Variants in MED26 observed in about 807,000 individuals in gnomAD.
MED26 encodes mediator complex subunit 26.
In MED26, 7 loss-of-function variants were observed where a neutral mutation model predicts 43.7. The observed-to-expected ratio is 0.16, with a 90% confidence interval of 0.09 to 0.30. MED26 has a LOEUF of 0.30. Ranked by LOEUF, MED26 falls within the 10% of genes least tolerant of loss-of-function variation. MED26 has a pLI of 1.00. For missense variants in MED26, 784 were observed against 840.6 expected, an observed-to-expected ratio of 0.93 and a Z score of 0.83; for synonymous variants, 375 against 371.1, an observed-to-expected ratio of 1.01 and a Z score of -0.12.
chr19:16,577,496 G>C lies in MED26; in HGVS notation c.334C>G (p.Arg112Gly). The part of the protein sequence containing the change: ...GSANGGAHNC[R>G]PEVGAAGPPR... ...GGGCCAGCCGCCCCCACCTCCGGCC[G>C]GCAGTTGTGTGCGCCCCCGTTGGCA... Residue 112 changes from arginine (R) to glycine (G), a missense_variant, in exon 3 of 3, where the codon CGG becomes GGG. Physicochemically the swap from Arg to Gly is moderately radical, Grantham distance 125. Around this residue, in one of 3 missense-constraint regions of MED26, gnomAD observed 719 missense variants for 730.9 expected, o/e 0.98. Transcript: ENST00000263390. This position sits in a 1 kb window ranked among gnomAD's most constrained non-coding sequence, Gnocchi z 8.1. 1 of 1,593,754 alleles carries C rather than the reference G, an allele frequency of 6.3e-7. No homozygotes were observed. Among genetic ancestry groups the C allele is most frequent in the Non-Finnish European group, 8.6e-7 (1 of 1,168,372 alleles).
chr19:16,580,555 T>C (rs1467083114), intron 1 of MED26, among the ~76,000 whole-genome samples: 1 of 152,014 alleles, frequency 6.6e-6, no homozygotes, highest in African/African-American at 2.4e-5. Flanking sequence ...TTTTTTTTAG[T>C]AGGGACAGGG....
chr19:16,601,007 T>C lies in MED26; in HGVS notation c.73-22598A>G, dbSNP rs116276749. 6.1e-3 allele frequency among the ~76,000 whole-genome samples: 917 copies of C among 151,264 alleles called. 7 individuals carry two copies. The highest frequency in any genetic ancestry group is 0.021 in the African/African-American group (871 of 41,258). ...TACTGGGGAGGCTGAGGCACGAAAA[T>C]TGAACCCAGGAGGTTGAGGCAGCAG... On this transcript the variant is annotated intron_variant, in intron 1 of 2. Coordinates refer to ENST00000263390, the MANE Select transcript of MED26 (RefSeq NM_004831.5).
chr19:16,585,076 G>A lies in MED26; in HGVS notation c.73-6667C>T, dbSNP rs567197723. 1.6e-4 allele frequency among the ~76,000 whole-genome samples: 25 copies of A among 152,272 alleles called. 1 individual carries two copies. Among genetic ancestry groups the A allele is most frequent in the African/African-American group, 5.8e-4 (24 of 41,552 alleles). ...TCAGGCCTCCTAACTGATTTGAACT[G>A]CACAACACCATCTATCTGGTGAGAC... On this transcript the variant is annotated intron_variant, in intron 1 of 2. Transcript: ENST00000263390.
intron 1 of MED26, chr19:16,578,777 A>C (rs1377655659): frequency 4.5e-6 from 1 of 224,662 alleles, no homozygotes; most frequent in Non-Finnish European, 8.7e-6. Context: ...GACACGGAAG[A>C]ATTCATCGAA....
At chr19:16,627,676 C>T (rs1445913491) in intron 1 of MED26, among the ~76,000 whole-genome samples, 196 bp downstream of exon 1, 1 of 152,250 alleles carries the variant, frequency 6.6e-6, no homozygotes, top group East Asian at 1.9e-4. Context: ...CTCGGCCTCA[C>T]GTACCGAGCG....
At chr19:16,626,621 A>T (rs2086277085) in intron 1 of MED26, among the ~76,000 whole-genome samples, 1 of 152,190 alleles carries the variant, frequency 6.6e-6, no homozygotes, top group African/African-American at 2.4e-5. Context: ...TATTCCCAAA[A>T]CATCATCAGA....
intron 1 of MED26, among the ~76,000 whole-genome samples, chr19:16,605,484 C>T (rs1045400261): frequency 2.2e-4 from 33 of 152,206 alleles, no homozygotes; most frequent in African/African-American, 7.5e-4. Context: ...ATGGATAGAA[C>T]ACAGAGACAG....
intron 1 of MED26, among the ~76,000 whole-genome samples, chr19:16,605,201 A>C (rs2086167106): frequency 6.6e-6 from 1 of 152,274 alleles, no homozygotes; most frequent in South Asian, 2.1e-4. Flanking sequence ...TAACTGTTTA[A>C]TGAGGGACTT....
intron 1 of MED26, among the ~76,000 whole-genome samples, chr19:16,597,216 C>A (rs868175643): frequency 1.3e-5 from 2 of 152,154 alleles, no homozygotes; most frequent in African/African-American, 4.8e-5. Flanking sequence ...ATCAATCCCA[C>A]GTCCCTGTGC....
chr19:16,589,426 G>T (rs1438072820), intron 1 of MED26: 1 of 152,248 alleles, frequency 6.6e-6, no homozygotes, highest in Non-Finnish European at 1.5e-5. Context: ...ATAAATCATG[G>T]TCTGTCCATT....
chr19:16,584,468 G>A (rs1182269556), intron 1 of MED26, among the ~76,000 whole-genome samples: 1 of 152,200 alleles, frequency 6.6e-6, no homozygotes, highest in Non-Finnish European at 1.5e-5. Flanking sequence ...GAGGAAGGAG[G>A]CGGGGCTGGA....
In MED26 at chr19:16,577,807, A is replaced by G. The variant is rs2086020323; in HGVS notation, c.148-125T>C. On this transcript the variant is annotated intron_variant, in intron 2 of 2. Transcript: ENST00000263390. The surrounding 1 kb of genome is among the most constrained non-coding windows in gnomAD (Gnocchi z 8.1). ...GGTTCCCACTGAGCCCTAAACTGCC[A>G]GCTTCCCTGACACAAAACTTCTGGG... The G allele has an allele frequency of 1.5e-6, 1 of 656,122 alleles. No individual in the cohort carries two copies. 40.6% of individuals were successfully genotyped at this position (656,122 alleles called of 1,614,324 possible). A position where few individuals can be genotyped will look rare whatever the true frequency, so the allele number is the denominator to read the frequency against.
At chr19:16,592,292 G>A (rs1201405153) in intron 1 of MED26, among the ~76,000 whole-genome samples, 1 of 152,244 alleles carries the variant, frequency 6.6e-6, no homozygotes, top group Non-Finnish European at 1.5e-5. Context: ...GGGGACTGCA[G>A]AGTCCATACC....
intron 1 of MED26, among the ~76,000 whole-genome samples, chr19:16,622,443 TG>T (rs2086256220): frequency 6.6e-6 from 1 of 152,218 alleles, no homozygotes; most frequent in Non-Finnish European, 1.5e-5. Context: ...TCCCAAGGCA[TG>T]GAATGTATTC....
At chr19:16,603,512 C>T (rs1431776916) in intron 1 of MED26, among the ~76,000 whole-genome samples, 1 of 152,166 alleles carries the variant, frequency 6.6e-6, no homozygotes, top group African/African-American at 2.4e-5. Flanking sequence ...ACTTCCCACA[C>T]TATGCTGATG....
intron 1 of MED26, among the ~76,000 whole-genome samples, chr19:16,595,610 G>A (rs2086116685): frequency 6.6e-6 from 1 of 152,166 alleles, no homozygotes; most frequent in Non-Finnish European, 1.5e-5. Context: ...GCCAAGCTCT[G>A]CACAGAACAA....
At chr19:16,616,583 C>A (rs141224127) in intron 1 of MED26, among the ~76,000 whole-genome samples, 1 of 152,128 alleles carries the variant, frequency 6.6e-6, no homozygotes, top group East Asian at 1.9e-4. Flanking sequence ...GATCATGGCA[C>A]CACCAACAGA....
Position 16,577,919 on chromosome 19 carries a change from A to C in MED26, c.148-237T>G. ...CAGGTGGCTTCTCAGCAGTGCTGTC[A>C]CCCAGGCTCCTGGTGTCAGGGGGCT... On this transcript the variant is annotated intron_variant, in intron 2 of 2. Coordinates refer to ENST00000263390, the MANE Select transcript of MED26 (RefSeq NM_004831.5). This position sits in a 1 kb window ranked among gnomAD's most constrained non-coding sequence, Gnocchi z 8.1. 1 of 479,682 alleles carries C rather than the reference A, an allele frequency of 2.1e-6. No homozygotes were observed. The highest frequency in any genetic ancestry group is 3.7e-6 in the Non-Finnish European group (1 of 272,648). 29.7% of individuals were successfully genotyped at this position (479,682 alleles called of 1,614,324 possible).
intron 1 of MED26, among the ~76,000 whole-genome samples, chr19:16,601,252 T>A (rs1253977246): frequency 6.6e-6 from 1 of 151,832 alleles, no homozygotes. Flanking sequence ...GCTTCCTGGA[T>A]TCAAGCGATT....
Sources: allele counts gnomAD v4.1 joint callset (sites outside exome capture counted in the v4.1 genomes callset), GRCh38; gene constraint gnomAD v4.1.1; regional missense constraint gnomAD v4.1.1; non-coding constraint Gnocchi (gnomAD v3.1); transcripts MANE v1.5; gene names NCBI Gene and HGNC (gene_info 2026-07-23, HGNC 2026-07-21).